Variants in RABGEF1 observed in about 807,000 individuals in gnomAD.
RABGEF1 encodes RAB guanine nucleotide exchange factor 1.
A neutral mutation model predicts 57.3 loss-of-function variants in RABGEF1; 26 were observed. That is an observed-to-expected ratio of 0.45 (90% CI 0.33 to 0.63). The LOEUF is 0.63. RABGEF1 is among the 20% of genes least tolerant of loss of function. The pLI, the probability that RABGEF1 is intolerant of heterozygous loss-of-function variation, is 0.02. For synonymous variants in RABGEF1, 185 were observed against 210.7 expected (o/e 0.88, Z 1.06); for missense variants, 464 against 607.6 (o/e 0.76, Z 2.48).
chr7:66,683,828 C>T (rs1790166436), intron 1 of RABGEF1, among the ~76,000 whole-genome samples: 1 of 152,116 alleles, frequency 6.6e-6, no homozygotes, highest in Non-Finnish European at 1.5e-5. Flanking sequence ...GAAGTCTCAA[C>T]TGCCTGGGCT....
intron 1 of RABGEF1, among the ~76,000 whole-genome samples, chr7:66,753,527 C>G (rs1317668666): frequency 6.6e-6 from 1 of 152,028 alleles, no homozygotes; most frequent in Non-Finnish European, 1.5e-5. Flanking sequence ...TTTTGTGTTA[C>G]CCAGTGGATA....
At chr7:66,677,441 C>T (rs1345183530), upstream of RABGEF1, among the ~76,000 whole-genome samples, 1 of 152,096 alleles carries the variant, frequency 6.6e-6, no homozygotes, top group Non-Finnish European at 1.5e-5. Flanking sequence ...AAGACAAGTA[C>T]CAACCTGATG....
At chr7:66,766,873 C>T (rs967906283) in intron 1 of RABGEF1, among the ~76,000 whole-genome samples, 20 of 151,540 alleles carry the variant, frequency 1.3e-4, no homozygotes, top group African/African-American at 4.4e-4. Context: ...TACAGGCAAG[C>T]GCCACCATGC....
At chr7:66,660,055 T>C in the RABGEF1 span, among the ~76,000 whole-genome samples, 1 of 146,754 alleles carries the variant, frequency 6.8e-6, no homozygotes, top group Non-Finnish European at 1.5e-5. Flanking sequence ...GAAATGAAAA[T>C]GAGGGCATTA....
At chr7:66,681,444 C>T (rs73377532), upstream of RABGEF1, among the ~76,000 whole-genome samples, 373 of 150,064 alleles carry the variant, frequency 2.5e-3, 1 homozygote, top group African/African-American at 8.8e-3. Flanking sequence ...TGCTCTGTCA[C>T]CCGGGCTGGA....
At chr7:66,788,791 T>C (rs1811855233) in intron 4 of RABGEF1, among the ~76,000 whole-genome samples, 1 of 151,910 alleles carries the variant, frequency 6.6e-6, no homozygotes, top group Non-Finnish European at 1.5e-5. Context: ...CCGTCTCTAC[T>C]AAAAATACAA....
chr7:66,795,368 C>T lies in RABGEF1; in HGVS notation c.514-143C>T, dbSNP rs150851279. 2.2e-4 allele frequency: 144 copies of T among 666,154 alleles called. No homozygotes were observed. In the African/African-American group the frequency reaches 2.6e-3, roughly 12 times the overall value. 41.3% of individuals were successfully genotyped at this position (666,154 alleles called of 1,614,324 possible). On this transcript the variant is annotated intron_variant, in intron 4 of 8. Transcript: ENST00000284957. Reference sequence around the variant, plus strand: ...ATAATATTAATGGATAGGTTTTACTCTCCTGCAGGATTAATATAACCTGTG... The same window carrying T: ...ATAATATTAATGGATAGGTTTTACTTTCCTGCAGGATTAATATAACCTGTG...
chr7:66,768,798 T>C (rs547894758), intron 1 of RABGEF1: 19 of 152,288 alleles, frequency 1.2e-4, no homozygotes. Context: ...CTTTTTGTTC[T>C]CAAAGGGCTC....
intron 1 of RABGEF1, among the ~76,000 whole-genome samples, chr7:66,749,705 C>G (rs1179323743): frequency 6.6e-6 from 1 of 152,104 alleles, no homozygotes; most frequent in African/African-American, 2.4e-5. Flanking sequence ...GGCACGGTGG[C>G]TCACACCTGT....
intron 8 of RABGEF1, among the ~76,000 whole-genome samples, chr7:66,808,498 G>C (rs912376301): frequency 1.3e-5 from 2 of 152,190 alleles, no homozygotes; most frequent in African/African-American, 4.8e-5. Context: ...ACAGGCTTGA[G>C]GCACCGGGCC....
At chr7:66,790,663 T>G (rs2129159693) in intron 4 of RABGEF1, among the ~76,000 whole-genome samples, 1 of 152,326 alleles carries the variant, frequency 6.6e-6, no homozygotes, top group African/African-American at 2.4e-5. Flanking sequence ...CTGGTTGATG[T>G]TTTTTCATCT....
intron 1 of RABGEF1, among the ~76,000 whole-genome samples, chr7:66,692,858 G>A (rs1791730677): frequency 6.6e-6 from 1 of 152,236 alleles, no homozygotes; most frequent in Non-Finnish European, 1.5e-5. Flanking sequence ...CTGCTGAGAA[G>A]TCAGCTGGCT....
chr7:66,677,630 C>T (rs1386601314), upstream of RABGEF1, among the ~76,000 whole-genome samples: 2 of 151,714 alleles, frequency 1.3e-5, no homozygotes, highest in Admixed American at 6.6e-5. Flanking sequence ...GGCTTGGTGG[C>T]GGGTGCCTGT....
chr7:66,733,831 C>T (rs765381682), intron 2 of RABGEF1, among the ~76,000 whole-genome samples: 10 of 152,102 alleles, frequency 6.6e-5, no homozygotes, highest in African/African-American at 9.7e-5. Flanking sequence ...AGTGAAACCC[C>T]GTCTCTACCA....
chr7:66,702,453 A>G (rs1433480117), intron 1 of RABGEF1, among the ~76,000 whole-genome samples: 1 of 151,412 alleles, frequency 6.6e-6, no homozygotes, highest in African/African-American at 2.4e-5. Context: ...CTTCATCTAC[A>G]AGTTTTTGTG....
At chr7:66,752,474 A>G (rs150822051) in intron 1 of RABGEF1, among the ~76,000 whole-genome samples, 1,890 of 152,116 alleles carry the variant, frequency 0.012, 37 homozygotes, top group African/African-American at 0.042. Flanking sequence ...AGCCTGGGGA[A>G]CAAGAGTGAA....
intron 1 of RABGEF1, among the ~76,000 whole-genome samples, chr7:66,706,126 T>C (rs533902852): frequency 6.6e-6 from 1 of 151,056 alleles, no homozygotes; most frequent in East Asian, 2.0e-4. Context: ...ATGGTCTCGA[T>C]CTCCTGACCT....
At chr7:66,746,423 C>T (rs1213568990) in intron 1 of RABGEF1, among the ~76,000 whole-genome samples, 14 of 150,894 alleles carry the variant, frequency 9.3e-5, no homozygotes, top group Admixed American at 1.3e-4. Context: ...CTGCCTCAGC[C>T]TCCCGAGTAG....
At chr7:66,789,682 C>CAAAA (rs35661980) in intron 4 of RABGEF1, among the ~76,000 whole-genome samples, 18 of 57,464 alleles carry the variant, frequency 3.1e-4, no homozygotes, top group African/African-American at 6.7e-4. Context: ...GACTCTATCT[C>CAAAA]AAAAAAAAAA....
Sources: allele counts gnomAD v4.1 joint callset (sites outside exome capture counted in the v4.1 genomes callset), GRCh38; gene constraint gnomAD v4.1.1; transcripts MANE v1.5; gene names NCBI Gene and HGNC (gene_info 2026-07-23, HGNC 2026-07-21).